ACR: variants seen among roughly 807,000 people sequenced by gnomAD.
ACR encodes acrosin.
A neutral mutation model predicts 26.0 loss-of-function variants in ACR; 17 were observed. The ratio of observed to expected loss-of-function variants is 0.65; its 90% CI spans 0.45 to 0.98. The LOEUF is 0.98. Ranked by LOEUF, ACR falls within the 50% of genes least tolerant of loss-of-function variation. ACR has a pLI of 0.00. For missense variants in ACR, 435 were observed against 519.3 expected (o/e 0.84, Z 1.58); for synonymous variants, 199 against 207.7 (o/e 0.96, Z 0.36).
chr22:50,740,113 T>C (rs2146853494), intron 3 of ACR, 136 bp downstream of exon 3: 1 of 1,157,098 alleles, frequency 8.6e-7, no homozygotes, highest in Non-Finnish European at 1.3e-6. Flanking sequence ...GAGCCATCAC[T>C]GTGGCCTTCC....
In ACR at chr22:50,739,198, C is replaced by G. The variant is rs2146852556; in HGVS notation, c.78-73C>G. 5.1e-6 allele frequency: 7 copies of G among 1,370,054 alleles called. No individual in the cohort carries two copies. The South Asian group carries it at 8.9e-5, about 17-fold the overall frequency. The allele number at this position is 1,370,054 out of a possible 1,614,324, so 84.9% of individuals were successfully genotyped here. A position where few individuals can be genotyped will look rare whatever the true frequency, so the allele number is the denominator to read the frequency against. On this transcript the variant is annotated intron_variant, in intron 1 of 4. Coordinates refer to ENST00000216139, the MANE Select transcript of ACR (RefSeq NM_001097.3). This position sits in a 1 kb window ranked among gnomAD's most constrained non-coding sequence, Gnocchi z 5.5. ...TTTTCCCAACCCCATGTCCCTGCCTCCCCTCAGTTGTGGAGTTACAAGGAC... is the reference window on the plus strand; with the variant it reads ...TTTTCCCAACCCCATGTCCCTGCCTGCCCTCAGTTGTGGAGTTACAAGGAC...
chr22:50,738,415 C>A, intron 1 of ACR, 103 bp downstream of exon 1: 1 of 1,186,056 alleles, frequency 8.4e-7, no homozygotes, highest in Non-Finnish European at 1.2e-6. Context: ...GCATCCCTAA[C>A]CTGGACCCCC....
intron 1 of ACR, among the ~76,000 whole-genome samples, chr22:50,738,590 T>TC (rs1269999316): frequency 6.7e-6 from 1 of 149,942 alleles, no homozygotes; most frequent in African/African-American, 2.5e-5. Flanking sequence ...GGAGCCCTTA[T>TC]CCCCCCACAG....
rs1462171612 is a variant in ACR, at chr22:50,740,901, T to C, written c.565+924T>C. The C allele has an allele frequency of 8.5e-5, 49 of 576,578 alleles. 1 individual carries two copies. The highest frequency in any genetic ancestry group is 1.4e-4 in the South Asian group (7 of 49,950). The allele number at this position is 576,578 out of a possible 1,614,324, so 35.7% of individuals were successfully genotyped here. ...AGACGCCCAGACACCTCTCCCTACA[T>C]ACTTAGGCACACTAGAGATACCATT... On this transcript the variant is annotated intron_variant, in intron 3 of 4. Coordinates refer to ENST00000216139, the MANE Select transcript of ACR (RefSeq NM_001097.3).
intron 3 of ACR, 129 bp from the exon 4 acceptor site, chr22:50,743,932 C>T (rs945364207): frequency 1.9e-5 from 15 of 771,660 alleles, no homozygotes; most frequent in Admixed American, 4.2e-5. Context: ...AAGGAGGGGT[C>T]GGGGCATCGA....
In ACR at chr22:50,739,964, T is replaced by C. The variant is rs2083417397; in HGVS notation, c.552T>C (p.Tyr184=). Residue 184 remains tyrosine, a synonymous_variant, in exon 3 of 5, where the codon TAT becomes TAC. Transcript: ENST00000216139. This position sits in a 1 kb window ranked among gnomAD's most constrained non-coding sequence, Gnocchi z 5.5. ...GCTGCTGGGTGGCCGGCTGGGGATA[T>C]ATAGAAGAGAAAGGTGAGTATGGGA... ...SQSCWVAGWG[Y]IEEKAPRPSS... 1.9e-6 allele frequency: 3 copies of C among 1,613,542 alleles called. No homozygotes were observed. The highest frequency in any genetic ancestry group is 2.5e-6 in the Non-Finnish European group (3 of 1,179,982).
intron 3 of ACR, chr22:50,740,325 G>T: frequency 1.8e-6 from 1 of 569,466 alleles, no homozygotes; most frequent in East Asian, 3.0e-5. Flanking sequence ...TCCAGATAAG[G>T]TTATGTGGCC....
rs771831167 is a variant in ACR, at chr22:50,744,219, C to T, written c.711+13C>T. The T allele has an allele frequency of 4.2e-5, 68 of 1,608,172 alleles. No individual in the cohort carries two copies. Among genetic ancestry groups the T allele is most frequent in the Non-Finnish European group, 5.5e-5 (65 of 1,175,184 alleles). On this transcript the variant is annotated intron_variant, in intron 4 of 4. Transcript: ENST00000216139. ...CGACACCTGCCAGGTAACCTTCCTT[C>T]TGGCTTCTGGGCCCCTGGGTCCCTC...
chr22:50,743,108 T>A (rs1200319189), intron 3 of ACR, among the ~76,000 whole-genome samples: 1 of 151,570 alleles, frequency 6.6e-6, no homozygotes, highest in African/African-American at 2.4e-5. Flanking sequence ...CCATCTCGGC[T>A]CACTGCAAGC....
At position 50,739,208 on chromosome 22, in the gene ACR, G is replaced by T; in HGVS notation, c.78-63G>T. ...CCCATGTCCCTGCCTCCCCTCAGTT[G>T]TGGAGTTACAAGGACAGGCTGTGCT... On this transcript the variant is annotated intron_variant, in intron 1 of 4. Coordinates refer to ENST00000216139, the MANE Select transcript of ACR (RefSeq NM_001097.3). The surrounding 1 kb of genome is among the most constrained non-coding windows in gnomAD (Gnocchi z 5.5). 2 of 1,434,240 alleles carry T rather than the reference G, an allele frequency of 1.4e-6. No homozygotes were observed. Among genetic ancestry groups the T allele is most frequent in the East Asian group, 2.5e-5 (1 of 39,900 alleles). The allele number at this position is 1,434,240 out of a possible 1,614,324, so 88.8% of individuals were successfully genotyped here. A position where few individuals can be genotyped will look rare whatever the true frequency, so the allele number is the denominator to read the frequency against.
chr22:50,740,328 A>T lies in ACR; in HGVS notation c.565+351A>T, dbSNP rs141844965. ...TTGGAGAAGAGCTCCAGATAAGGTT[A>T]TGTGGCCGTATGACAGTGCCTTCCA... is the stretch of plus-strand genomic sequence containing the variant. On this transcript the variant is annotated intron_variant, in intron 3 of 4. Transcript: ENST00000216139. 8.4e-3 allele frequency: 4,760 copies of T among 568,014 alleles called. 45 individuals are homozygous for T. The highest frequency in any genetic ancestry group is 0.014 in the Middle Eastern group (30 of 2,116). The allele number at this position is 568,014 out of a possible 1,614,324, so 35.2% of individuals were successfully genotyped here. A position where few individuals can be genotyped will look rare whatever the true frequency, so the allele number is the denominator to read the frequency against.
In ACR at chr22:50,742,148, G is replaced by A. The variant is rs150628453; in HGVS notation, c.566-1913G>A. On this transcript the variant is annotated intron_variant, in intron 3 of 4. Coordinates refer to ENST00000216139, the MANE Select transcript of ACR (RefSeq NM_001097.3). ...CGAAACTTCATCTCAAAAAAAACCC[G>A]CCAAGGTGTTGGGATTTAGAAAACC... Among the ~76,000 whole-genome samples, 644 of 151,822 alleles carry A rather than the reference G, an allele frequency of 4.2e-3. 2 individuals are homozygous for A. Among genetic ancestry groups the A allele is most frequent in the Non-Finnish European group, 6.9e-3 (468 of 67,914 alleles).
chr22:50,742,500 C>T (rs2083428884), intron 3 of ACR, among the ~76,000 whole-genome samples: 2 of 148,772 alleles, frequency 1.3e-5, no homozygotes, highest in Admixed American at 6.7e-5. Flanking sequence ...GCCGAGATGG[C>T]GCCACCGCAC....
intron 3 of ACR, among the ~76,000 whole-genome samples, chr22:50,743,185 G>A (rs1418194532): frequency 2.1e-4 from 31 of 149,750 alleles, no homozygotes; most frequent in Middle Eastern, 3.4e-3. Context: ...ACAGGCGCCC[G>A]CCACCATGCC....
chr22:50,743,433 C>G (rs2083435686), intron 3 of ACR: 1 of 152,556 alleles, frequency 6.6e-6, no homozygotes, highest in African/African-American at 2.4e-5. Flanking sequence ...CCGAGCTTCC[C>G]CTGCGGTCTC....
chr22:50,744,994 G>T lies in ACR; in HGVS notation c.1053G>T (p.Pro351=), dbSNP rs1395809494. 11 of 688,802 alleles carry T rather than the reference G, an allele frequency of 1.6e-5. No homozygotes were observed. In the African/African-American group the frequency reaches 2.7e-4, roughly 17 times the overall value. The allele number at this position is 688,802 out of a possible 1,614,324, so 42.7% of individuals were successfully genotyped here. A position where few individuals can be genotyped will look rare whatever the true frequency, so the allele number is the denominator to read the frequency against. Reference sequence around the variant, plus strand: ...AGCCCCGACCCCCACCTTCACCCCCGCCCCCACCCCCACCTCCAGCCTCAC... The same window carrying T: ...AGCCCCGACCCCCACCTTCACCCCCTCCCCCACCCCCACCTCCAGCCTCAC... ...AAQPRPPPSP[P]PPPPPPASPL... The change falls in exon 5 of 5, where the codon CCG becomes CCT. Residue 351 remains proline, a synonymous_variant. Transcript: ENST00000216139.
intron 3 of ACR, among the ~76,000 whole-genome samples, chr22:50,742,418 C>A (rs1047647923): frequency 2.0e-5 from 3 of 151,658 alleles, no homozygotes; most frequent in African/African-American, 7.3e-5. Context: ...GTGGCGGGCG[C>A]CTGTAGTCCC....
Position 50,739,470 on chromosome 22 carries a change from A to C in ACR, c.277A>C (p.Lys93Gln), listed in dbSNP as rs780653208. The stretch of plus-strand genomic sequence containing the variant: ...CACTGCTGCTCACTGCTTCGTCGGC[A>C]AAAAGTACGTGTAGGGATGCACTGA... ...VLTAAHCFVG[K>Q]NNVHDWRLVF... The change falls in exon 2 of 5, where the codon AAA (lysine) becomes CAA (glutamine). Residue 93 changes from lysine to glutamine, a missense_variant. Around this residue, in one of 3 missense-constraint regions of ACR, gnomAD observed 314 missense variants for 372.0 expected, o/e 0.84. Coordinates refer to ENST00000216139, the MANE Select transcript of ACR (RefSeq NM_001097.3). This position sits in a 1 kb window ranked among gnomAD's most constrained non-coding sequence, Gnocchi z 5.5. The C allele has an allele frequency of 6.2e-7, 1 of 1,614,128 alleles. No individual in the cohort carries two copies.
intron 3 of ACR, 128 bp from the exon 4 acceptor site, chr22:50,743,933 G>A (rs532034396): frequency 6.8e-5 from 53 of 774,094 alleles, no homozygotes; most frequent in South Asian, 4.6e-4. Flanking sequence ...AGGAGGGGTC[G>A]GGGCATCGAC....
Sources: allele counts gnomAD v4.1 joint callset (sites outside exome capture counted in the v4.1 genomes callset), GRCh38; gene constraint gnomAD v4.1.1; regional missense constraint gnomAD v4.1.1; non-coding constraint Gnocchi (gnomAD v3.1); transcripts MANE v1.5; gene names NCBI Gene and HGNC (gene_info 2026-07-23, HGNC 2026-07-21).